The following PHACTR1 variants were observed in gnomAD, a reference collection of about 807,000 sequenced individuals.
The protein encoded by PHACTR1 is RPEL repeat containing 1.
In PHACTR1, 16 loss-of-function variants were observed where a neutral mutation model predicts 69.2. That is an observed-to-expected ratio of 0.23 (90% CI 0.16 to 0.35). The LOEUF (loss-of-function observed/expected upper bound fraction) is 0.35. PHACTR1 is among the 10% of genes least tolerant of loss of function. The pLI is 1.00. For missense variants in PHACTR1, 510 were observed against 734.7 expected (o/e 0.69, Z 3.54); for synonymous variants, 312 against 284.5 (o/e 1.10, Z -0.97).
intron 4 of PHACTR1, among the ~76,000 whole-genome samples, chr6:12,931,003 CAAAA>C (rs34965562): frequency 1.6e-3 from 140 of 86,182 alleles, no homozygotes; most frequent in African/African-American, 4.5e-3. Flanking sequence ...AACTCTGTCT[CAAAA>C]AAAAAAAAAA....
chr6:12,897,540 C>G (rs1443512661), intron 4 of PHACTR1, among the ~76,000 whole-genome samples: 1 of 152,122 alleles, frequency 6.6e-6, no homozygotes, highest in Non-Finnish European at 1.5e-5. Flanking sequence ...TCCCCCTACT[C>G]TGGCACACAC....
intron 5 of PHACTR1, among the ~76,000 whole-genome samples, chr6:13,095,410 A>G (rs7775053): frequency 0.02 from 3,061 of 152,290 alleles, 47 homozygotes; most frequent in Middle Eastern, 0.037. Context: ...ACTTTTGTTC[A>G]CTTTTAGGTG....
chr6:13,238,063 A>AG (rs34366807), intron 10 of PHACTR1, among the ~76,000 whole-genome samples: 22,010 of 152,252 alleles, frequency 0.14, 2,030 homozygotes, highest in South Asian at 0.33. Flanking sequence ...TCTTTGTTTT[A>AG]GGAATTTAGT....
rs925446142 is a variant in PHACTR1 at position 12,836,141 on chromosome 6, G to C, written c.250+86351G>C. On this transcript the variant is annotated intron_variant, in intron 4 of 14. Transcript: ENST00000332995. Reference sequence around the variant, plus strand: ...TTGAATTGCTTTCTGTAACCTGTAAGGAAGCCATCAGCCTCACCTGACTTC... The same window carrying C: ...TTGAATTGCTTTCTGTAACCTGTAACGAAGCCATCAGCCTCACCTGACTTC... Among the ~76,000 whole-genome samples the C allele has an allele frequency of 3.3e-5, 5 of 152,050 alleles. No homozygotes were observed. The South Asian group carries it at 8.3e-4, about 25-fold the overall frequency.
chr6:12,753,959 TA>T (rs57326101), intron 4 of PHACTR1, among the ~76,000 whole-genome samples: 3,260 of 104,588 alleles, frequency 0.031, 97 homozygotes, highest in African/African-American at 0.062. Flanking sequence ...TATATATATA[TA>T]TATATATATA....
chr6:13,057,525 A>G (rs1806984274), intron 5 of PHACTR1, among the ~76,000 whole-genome samples: 1 of 152,192 alleles, frequency 6.6e-6, no homozygotes, highest in African/African-American at 2.4e-5. Flanking sequence ...ACTGGGTTAC[A>G]TTTATAATTT....
At chr6:13,066,528 G>A (rs1003255260) in intron 5 of PHACTR1, among the ~76,000 whole-genome samples, 3 of 152,166 alleles carry the variant, frequency 2.0e-5, no homozygotes, top group African/African-American at 7.2e-5. Flanking sequence ...AGCTCAGGTT[G>A]TTTGGACAGC....
intron 3 of PHACTR1, among the ~76,000 whole-genome samples, chr6:12,746,447 G>A (rs1765795110): frequency 6.6e-6 from 1 of 152,158 alleles, no homozygotes; most frequent in South Asian, 2.1e-4. Flanking sequence ...TGAGGTGGAA[G>A]GATTGCTTGA....
chr6:13,106,502 A>G (rs1011816502), intron 5 of PHACTR1, among the ~76,000 whole-genome samples: 3 of 152,138 alleles, frequency 2.0e-5, no homozygotes, highest in Admixed American at 6.5e-5. Context: ...CTTAAAAAAC[A>G]AGGTCTTGCT....
chr6:13,129,746 C>T (rs1820116368), intron 5 of PHACTR1, among the ~76,000 whole-genome samples: 1 of 152,092 alleles, frequency 6.6e-6, no homozygotes, highest in African/African-American at 2.4e-5. Context: ...CTAGACAGGT[C>T]ATCACAACAG....
In PHACTR1 at chr6:13,245,019, A is replaced by G. The variant is rs909588421; in HGVS notation, c.1391+14826A>G. 1.2e-4 allele frequency among the ~76,000 whole-genome samples: 19 copies of G among 152,214 alleles called. No homozygotes were observed. Among genetic ancestry groups the G allele is most frequent in the Non-Finnish European group, 5.9e-5 (4 of 68,038 alleles). On this transcript the variant is annotated intron_variant, in intron 10 of 14. Transcript: ENST00000332995. This position sits in a 1 kb window ranked among gnomAD's most constrained non-coding sequence, Gnocchi z 4.1. The stretch of plus-strand genomic sequence containing the variant: ...ACTAATAAATGTCCGTAAAATCTTC[A>G]CTATCCATGTTCTTCTGCCATGGTT...
At chr6:12,786,712 T>C (rs1425090869) in intron 4 of PHACTR1, among the ~76,000 whole-genome samples, 1 of 152,234 alleles carries the variant, frequency 6.6e-6, no homozygotes, top group African/African-American at 2.4e-5. Flanking sequence ...TCAAGGTCCA[T>C]CATCATCAGC....
chr6:13,256,691 C>T (rs1468703788), intron 10 of PHACTR1, among the ~76,000 whole-genome samples: 1 of 152,222 alleles, frequency 6.6e-6, no homozygotes, highest in East Asian at 1.9e-4. Context: ...ACAGTGCAGC[C>T]AAGTTCTTTA....
intron 4 of PHACTR1, among the ~76,000 whole-genome samples, chr6:12,969,730 T>A (rs925145159): frequency 6.6e-6 from 1 of 151,946 alleles, no homozygotes; most frequent in Non-Finnish European, 1.5e-5. Flanking sequence ...GGGAGGCCAA[T>A]ACAGGCGGAT....
At chr6:12,970,538 G>A (rs1037119817) in intron 4 of PHACTR1, among the ~76,000 whole-genome samples, 1 of 152,184 alleles carries the variant, frequency 6.6e-6, no homozygotes, top group Non-Finnish European at 1.5e-5. Context: ...GTGAGGCCGA[G>A]GCAGAAGGTC....
At chr6:12,902,436 C>A (rs114107616) in intron 4 of PHACTR1, among the ~76,000 whole-genome samples, 1,950 of 152,188 alleles carry the variant, frequency 0.013, 47 homozygotes, top group African/African-American at 0.044. Context: ...AAATAAAGAA[C>A]CTACTATAAT....
At chr6:12,949,819 C>A (rs1203668084) in intron 4 of PHACTR1, among the ~76,000 whole-genome samples, 2 of 151,918 alleles carry the variant, frequency 1.3e-5, no homozygotes, top group South Asian at 4.2e-4. Flanking sequence ...TTTCTCATAC[C>A]ACTACACACA....
At chr6:12,933,427 C>T (rs1789090085) in intron 4 of PHACTR1, among the ~76,000 whole-genome samples, 3 of 152,148 alleles carry the variant, frequency 2.0e-5, no homozygotes, top group Non-Finnish European at 2.9e-5. Context: ...ATTTTAAAAA[C>T]AATCTCCATA....
rs535378488 is a variant in PHACTR1 at position 13,255,955 on chromosome 6, TG to T, written c.1392-16897del. Among the ~76,000 whole-genome samples, 499 of 151,940 alleles carry T rather than the reference TG, an allele frequency of 3.3e-3. 6 individuals are homozygous for T. The highest frequency in any genetic ancestry group is 0.011 in the African/African-American group (464 of 41,476). On this transcript the variant is annotated intron_variant, in intron 10 of 14. Coordinates refer to ENST00000332995, the MANE Select transcript of PHACTR1 (RefSeq NM_030948.6). ...AGGCAGTGCCCCAGTGGGGACTCTG[TG>T]GGGGGGGCTCCAACCCCACATTTTC...
Sources: gnomAD v4.1 joint callset for allele counts (sites outside exome capture counted in the v4.1 genomes callset) on GRCh38, gnomAD v4.1.1 for gene constraint, Gnocchi (gnomAD v3.1) non-coding constraint, MANE v1.5 for transcripts, NCBI Gene and HGNC (gene_info 2026-07-23, HGNC 2026-07-21) for gene names.